The following FAM13B variants were observed in gnomAD, a reference collection of about 807,000 sequenced individuals.
FAM13B encodes the protein family with sequence similarity 13 member B, also known as protein FAM13B.
FAM13B carries 60 observed loss-of-function variants against 117.3 expected under a neutral mutation model. That is an observed-to-expected ratio of 0.51 (90% CI 0.42 to 0.63). The LOEUF is 0.63. Among genes scored for constraint, FAM13B ranks in the 30% least tolerant of loss-of-function variants. The pLI is 0.00. For synonymous variants in FAM13B, 332 were observed against 356.1 expected (o/e 0.93, Z 0.76); for missense variants, 972 against 1,091.9 (o/e 0.89, Z 1.55).
At chr5:137,956,703 T>C (rs1766659824) in intron 13 of FAM13B, among the ~76,000 whole-genome samples, 161 bp from the exon 14 acceptor site, 1 of 145,162 alleles carries the variant, frequency 6.9e-6, no homozygotes, top group Non-Finnish European at 1.5e-5. Flanking sequence ...CACTACTAAC[T>C]AGATTTTAAC....
chr5:137,941,424 A>G (rs1300889801), intron 23 of FAM13B, among the ~76,000 whole-genome samples: 1 of 152,182 alleles, frequency 6.6e-6, no homozygotes, highest in African/African-American at 2.4e-5. Context: ...AGTTTTTAAA[A>G]AGAGCCCTTC....
rs1009773019 is a variant in FAM13B at position 138,033,079 on chromosome 5, T to C, written c.-500A>G. 4.2e-6 allele frequency: 4 copies of C among 948,998 alleles called. No homozygotes were observed. Among genetic ancestry groups the C allele is most frequent in the East Asian group, 2.8e-4 (2 of 7,126 alleles). The allele number at this position is 948,998 out of a possible 1,614,324, so 58.8% of individuals were successfully genotyped here. A position where few individuals can be genotyped will look rare whatever the true frequency, so the allele number is the denominator to read the frequency against. ...TAACGGCGAGCGGGAGGAGAGCGGC[T>C]GGCGGGCGGAGGCCGGGCCGGACGT... On this transcript the variant is annotated 5_prime_UTR_variant, in exon 1 of 24. Transcript: ENST00000689681.
chr5:137,962,529 T>C (rs1185678594), intron 10 of FAM13B, 60 bp from the exon 11 acceptor site: 2 of 1,489,878 alleles, frequency 1.3e-6, no homozygotes, highest in African/African-American at 2.8e-5. Flanking sequence ...TAAGAGAAGT[T>C]GCCAATCTAA....
At chr5:137,961,556 C>G (rs920832133) in intron 11 of FAM13B, among the ~76,000 whole-genome samples, 1 of 152,110 alleles carries the variant, frequency 6.6e-6, no homozygotes, top group African/African-American at 2.4e-5. Flanking sequence ...TGGGGAGGCT[C>G]CAGAGACGTG....
intron 1 of FAM13B, among the ~76,000 whole-genome samples, chr5:138,024,314 C>A (rs116469530): frequency 6.6e-6 from 1 of 151,980 alleles, no homozygotes; most frequent in Admixed American, 6.6e-5. Context: ...CAGAGACACA[C>A]AGAGAGAAAG....
chr5:138,001,516 A>T (rs1290226540), intron 7 of FAM13B, among the ~76,000 whole-genome samples: 1 of 152,192 alleles, frequency 6.6e-6, no homozygotes, highest in African/African-American at 2.4e-5. Flanking sequence ...CTTCCTTCTA[A>T]AGCTCCATTT....
rs5871662 is a variant in FAM13B, at chr5:138,041,063, C to CAA, written c.-203+10813_-203+10814dup. The stretch of plus-strand genomic sequence containing the variant: ...TAGGCAACAGAGCAAGACTCCATCT[C>CAA]AAAAAAAAAAAAAAAAAAGAAAAGA... On this transcript the variant is annotated intron_variant, in intron 1 of 3. Transcript: ENST00000502471. 7.2e-4 allele frequency among the ~76,000 whole-genome samples: 51 copies of CAA among 70,376 alleles called. 1 individual carries two copies. The highest frequency in any genetic ancestry group is 2.3e-3 in the South Asian group (6 of 2,646). 46.2% of individuals were successfully genotyped at this position (70,376 alleles called of 152,430 possible).
At chr5:137,973,582 C>T (rs141872487) in intron 10 of FAM13B, among the ~76,000 whole-genome samples, 32 of 152,258 alleles carry the variant, frequency 2.1e-4, no homozygotes, top group Admixed American at 4.6e-4. Context: ...CTAAAAGCAA[C>T]GGCAACAAAA....
At chr5:137,977,996 T>C (rs904736285) in intron 10 of FAM13B, among the ~76,000 whole-genome samples, 11 of 152,222 alleles carry the variant, frequency 7.2e-5, no homozygotes, top group Admixed American at 5.2e-4. Flanking sequence ...ACACATGCAG[T>C]GCATGCACAC....
intron 6 of FAM13B, among the ~76,000 whole-genome samples, chr5:138,009,386 G>C (rs1424565288): frequency 6.6e-6 from 1 of 152,108 alleles, no homozygotes; most frequent in Non-Finnish European, 1.5e-5. Context: ...TAGATCTAAT[G>C]GGAAATTATC....
At chr5:137,976,653 T>A (rs1404536406) in intron 10 of FAM13B, among the ~76,000 whole-genome samples, 1 of 152,176 alleles carries the variant, frequency 6.6e-6, no homozygotes, top group Middle Eastern at 3.2e-3. Flanking sequence ...AATTAATACT[T>A]TTATAATTTC....
In FAM13B at chr5:137,941,927, T is replaced by C. The variant is rs1761969888; in HGVS notation, c.2690+17A>G. The C allele has an allele frequency of 6.3e-7, 1 of 1,595,114 alleles. No homozygotes were observed. Among genetic ancestry groups the C allele is most frequent in the Non-Finnish European group, 8.6e-7 (1 of 1,163,518 alleles). The stretch of plus-strand genomic sequence containing the variant: ...TTAGAGAAGAAAGATGACTCAATTT[T>C]GTGATGCTCAACAAACCTTCCATTT... On this transcript the variant is annotated intron_variant, in intron 23 of 23. Coordinates refer to ENST00000689681, the MANE Select transcript of FAM13B (RefSeq NM_001385994.1).
chr5:138,043,402 G>A (rs1476936551), intron 1 of FAM13B, among the ~76,000 whole-genome samples: 1 of 148,962 alleles, frequency 6.7e-6, no homozygotes, highest in Non-Finnish European at 1.5e-5. Context: ...ATTGACCTGT[G>A]TTTACCTTGT....
chr5:138,013,298 G>T lies in FAM13B; in HGVS notation c.371-1353C>A, dbSNP rs187844002. 1.6e-3 allele frequency among the ~76,000 whole-genome samples: 250 copies of T among 152,062 alleles called. 1 individual carries two copies. The highest frequency in any genetic ancestry group is 5.8e-3 in the African/African-American group (240 of 41,506). On this transcript the variant is annotated intron_variant, in intron 4 of 23. Transcript: ENST00000689681. ...AGGTGGATCATAAGGTCAGGAGATC[G>T]AGACCATCCTGGCTAACACAGTGAA...
intron 14 of FAM13B, 56 bp downstream of exon 14, chr5:137,956,421 C>A: frequency 8.0e-7 from 1 of 1,252,012 alleles, no homozygotes; most frequent in Non-Finnish European, 1.1e-6. Flanking sequence ...AATAAAAAGA[C>A]AAACAAAGTG....
At chr5:137,986,747 A>G (rs1467004886) in intron 9 of FAM13B, among the ~76,000 whole-genome samples, 1 of 152,250 alleles carries the variant, frequency 6.6e-6, no homozygotes, top group Non-Finnish European at 1.5e-5. Flanking sequence ...AAATTATTTT[A>G]AAAGCCATTC....
chr5:138,012,775 G>T (rs544428795), intron 4 of FAM13B, among the ~76,000 whole-genome samples: 1 of 152,020 alleles, frequency 6.6e-6, no homozygotes, highest in African/African-American at 2.4e-5. Flanking sequence ...GTATTTTTCC[G>T]CAGGTTCTTA....
At chr5:137,968,146 C>A (rs2349962) in intron 10 of FAM13B, among the ~76,000 whole-genome samples, 8 of 149,228 alleles carry the variant, frequency 5.4e-5, no homozygotes, top group Admixed American at 1.3e-4. Flanking sequence ...CGCTTGAACC[C>A]GGGAGGCAGA....
intron 13 of FAM13B, among the ~76,000 whole-genome samples, 195 bp downstream of exon 13, chr5:137,959,421 T>C (rs1162407260): frequency 6.6e-6 from 1 of 152,176 alleles, no homozygotes; most frequent in African/African-American, 2.4e-5. Flanking sequence ...GAACTTCTAG[T>C]TCATATGAGA....
Sources: allele counts gnomAD v4.1 joint callset (sites outside exome capture counted in the v4.1 genomes callset), GRCh38; gene constraint gnomAD v4.1.1; transcripts MANE v1.5; gene names NCBI Gene and HGNC (gene_info 2026-07-23, HGNC 2026-07-21).